The following TFAP2B variants were observed in gnomAD, a reference collection of about 807,000 sequenced individuals.
TFAP2B encodes the protein transcription factor AP-2 beta, also known as transcription factor AP-2-beta.
TFAP2B carries 9 observed loss-of-function variants against 44.3 expected under a neutral mutation model. The ratio of observed to expected loss-of-function variants is 0.20; its 90% CI spans 0.12 to 0.35. The LOEUF is 0.35. TFAP2B is among the 10% of genes least tolerant of loss of function. The pLI is 1.00. For missense variants in TFAP2B, 509 were observed against 600.0 expected (o/e 0.85, Z 1.59); for synonymous variants, 270 against 263.8 (o/e 1.02, Z -0.23).
At chr6:50,835,261 T>G (rs1762597503) in intron 3 of TFAP2B, among the ~76,000 whole-genome samples, 2 of 152,262 alleles carry the variant, frequency 1.3e-5, no homozygotes, top group Admixed American at 6.5e-5. Flanking sequence ...ATTGGTTGAT[T>G]GATCAGGGCA....
chr6:50,827,361 T>A (rs750607679), intron 2 of TFAP2B, among the ~76,000 whole-genome samples: 1 of 152,212 alleles, frequency 6.6e-6, no homozygotes, highest in Non-Finnish European at 1.5e-5. Context: ...GCAGCAAGGA[T>A]AACAATTCCT....
intron 3 of TFAP2B, among the ~76,000 whole-genome samples, chr6:50,835,253 T>G (rs1762597309): frequency 6.6e-6 from 1 of 152,236 alleles, no homozygotes; most frequent in South Asian, 2.1e-4. Context: ...TTAGAGTGAT[T>G]GGTTGATTGA....
intron 5 of TFAP2B, among the ~76,000 whole-genome samples, chr6:50,839,952 A>C (rs1234573598): frequency 6.6e-6 from 1 of 152,162 alleles, no homozygotes; most frequent in African/African-American, 2.4e-5. Flanking sequence ...AGAGGCAGGA[A>C]AAAGAGACAG....
chr6:50,839,883 T>A (rs1253471820), intron 5 of TFAP2B, among the ~76,000 whole-genome samples: 1 of 152,160 alleles, frequency 6.6e-6, no homozygotes, highest in East Asian at 1.9e-4. Flanking sequence ...ACAAAAAGAT[T>A]AGGGTGTAGG....
intron 2 of TFAP2B, 27 bp downstream of exon 2, chr6:50,823,892 AC>A (rs1554163299): frequency 6.5e-7 from 1 of 1,532,360 alleles, no homozygotes; most frequent in Non-Finnish European, 8.8e-7. Context: ...AAACAAACAA[AC>A]AAAAAAGACC....
At position 50,843,510 on chromosome 6, in the gene TFAP2B, C is replaced by T; in HGVS notation, c.*118C>T. 9.9e-7 allele frequency: 1 copy of T among 1,006,472 alleles called. No individual in the cohort carries two copies. Among genetic ancestry groups the T allele is most frequent in the South Asian group, 1.7e-5 (1 of 57,568 alleles). The allele number at this position is 1,006,472 out of a possible 1,614,324, so 62.3% of individuals were successfully genotyped here. The stretch of plus-strand genomic sequence containing the variant: ...TGGAAGAATTATATTAGGTAGAATA[C>T]ACATACAATCAAAATTTTAAAAAAA... On this transcript the variant is annotated 3_prime_UTR_variant, in exon 7 of 7. Coordinates refer to ENST00000393655, the MANE Select transcript of TFAP2B (RefSeq NM_003221.4).
chr6:50,827,807 C>T (rs905448787), intron 2 of TFAP2B, among the ~76,000 whole-genome samples: 1 of 152,212 alleles, frequency 6.6e-6, no homozygotes, highest in Non-Finnish European at 1.5e-5. Context: ...ACAGCTATTT[C>T]CTCTCAGAAG....
intron 1 of TFAP2B, among the ~76,000 whole-genome samples, chr6:50,821,085 A>G (rs1387460135): frequency 2.6e-5 from 4 of 152,240 alleles, no homozygotes; most frequent in Non-Finnish European, 5.9e-5. Context: ...TTTAACAGAA[A>G]TGGCAGTCAG....
intron 3 of TFAP2B, among the ~76,000 whole-genome samples, chr6:50,835,040 G>A (rs1005906696): frequency 6.6e-6 from 1 of 152,216 alleles, no homozygotes; most frequent in African/African-American, 2.4e-5. Context: ...ACTGAGCCTA[G>A]CCTCTTTCTG....
intron 1 of TFAP2B, 24 bp downstream of exon 1, chr6:50,818,996 C>G (rs757855620): frequency 6.2e-7 from 1 of 1,602,094 alleles, no homozygotes; most frequent in Non-Finnish European, 8.6e-7. Context: ...CCCAGATGCA[C>G]CTTAGAGCTT....
At position 50,843,516 on chromosome 6, in the gene TFAP2B, C is replaced by T; in HGVS notation, c.*124C>T. On this transcript the variant is annotated 3_prime_UTR_variant, in exon 7 of 7. Transcript: ENST00000393655. The stretch of plus-strand genomic sequence containing the variant: ...AATTATATTAGGTAGAATACACATA[C>T]AATCAAAATTTTAAAAAAAAAAGCT... 1.0e-6 allele frequency: 1 copy of T among 955,562 alleles called. No homozygotes were observed. Among genetic ancestry groups the T allele is most frequent in the Non-Finnish European group, 1.5e-6 (1 of 659,614 alleles). 59.2% of individuals were successfully genotyped at this position (955,562 alleles called of 1,614,324 possible). A position where few individuals can be genotyped will look rare whatever the true frequency, so the allele number is the denominator to read the frequency against.
Position 50,840,175 on chromosome 6 carries a change from T to A in TFAP2B, c.960T>A (p.Ala320=), listed in dbSNP as rs769029679. 1 of 1,614,136 alleles carries A rather than the reference T, an allele frequency of 6.2e-7. No individual in the cohort carries two copies. Among genetic ancestry groups the A allele is most frequent in the Non-Finnish European group, 8.5e-7 (1 of 1,180,030 alleles). ...TTTCAGGAGAAGCTGTTCACTTAGC[T>A]AGGGATTTTGGGTACATTTGCGAAA... ...SLVEGEAVHL[A]RDFGYICETE... The change falls in exon 6 of 7, where the codon GCT becomes GCA. Residue 320 remains alanine (A), a synonymous_variant. Transcript: ENST00000393655.
intron 1 of TFAP2B, among the ~76,000 whole-genome samples, chr6:50,820,363 C>T (rs1372366516): frequency 4.0e-5 from 6 of 151,732 alleles, no homozygotes; most frequent in African/African-American, 9.7e-5. Context: ...CGAGCGCCCA[C>T]AGGCAGCGCC....
chr6:50,842,513 T>C (rs1213524658), intron 6 of TFAP2B, among the ~76,000 whole-genome samples: 1 of 152,212 alleles, frequency 6.6e-6, no homozygotes, highest in Non-Finnish European at 1.5e-5. Flanking sequence ...AGGCAGAAAC[T>C]AGCTCCCTCC....
chr6:50,826,609 G>A (rs1379884178), intron 2 of TFAP2B, among the ~76,000 whole-genome samples: 1 of 151,630 alleles, frequency 6.6e-6, no homozygotes, highest in Non-Finnish European at 1.5e-5. Flanking sequence ...GTCTAGTTGG[G>A]GAGGGGGCTA....
At chr6:50,820,361 C>T (rs1770306014) in intron 1 of TFAP2B, among the ~76,000 whole-genome samples, 1 of 151,908 alleles carries the variant, frequency 6.6e-6, no homozygotes. Flanking sequence ...GACGAGCGCC[C>T]ACAGGCAGCG....
chr6:50,827,228 C>G (rs776860526), intron 2 of TFAP2B, among the ~76,000 whole-genome samples: 3 of 152,194 alleles, frequency 2.0e-5, no homozygotes, highest in Non-Finnish European at 2.9e-5. Context: ...TACACATGAT[C>G]ATAGAAAGGT....
Position 50,843,417 on chromosome 6 carries a change from A to C in TFAP2B, c.*25A>C, listed in dbSNP as rs1315914570. ...AAAAATTTTTAAAAAAAGAAGGAAA[A>C]ATGTTTTAAATACAAAAGGAAAAAC... On this transcript the variant is annotated 3_prime_UTR_variant, in exon 7 of 7. Transcript: ENST00000393655. 2 of 1,601,660 alleles carry C rather than the reference A, an allele frequency of 1.2e-6. No homozygotes were observed. Among genetic ancestry groups the C allele is most frequent in the African/African-American group, 2.7e-5 (2 of 73,992 alleles).
intron 6 of TFAP2B, 38 bp from the exon 7 acceptor site, chr6:50,843,054 T>A (rs755244961): frequency 6.2e-7 from 1 of 1,613,666 alleles, no homozygotes; most frequent in East Asian, 2.2e-5. Context: ...ACAACGACAC[T>A]GAGGGTGATT....
Sources: allele counts gnomAD v4.1 joint callset (sites outside exome capture counted in the v4.1 genomes callset), GRCh38; gene constraint gnomAD v4.1.1; transcripts MANE v1.5; gene names NCBI Gene and HGNC (gene_info 2026-07-23, HGNC 2026-07-21).